Variants in NRCAM observed in about 807,000 individuals in gnomAD.
NRCAM encodes NgCAM-related cell adhesion molecule.
In NRCAM, 83 loss-of-function variants were observed where a neutral mutation model predicts 156.5. The ratio of observed to expected loss-of-function variants is 0.53; its 90% CI spans 0.44 to 0.64. The LOEUF (loss-of-function observed/expected upper bound fraction) is 0.64, where lower values mean the gene tolerates loss of function less well. NRCAM is among the 30% of genes least tolerant of loss of function. The pLI is 0.00. For synonymous variants in NRCAM, 538 were observed against 563.9 expected (o/e 0.95, Z 0.65); for missense variants, 1,417 against 1,597.3 (o/e 0.89, Z 1.92).
At chr7:108,159,201 A>C in intron 32 of NRCAM, 1 of 640,374 alleles carries the variant, frequency 1.6e-6, no homozygotes, top group Non-Finnish European at 2.9e-6. Context: ...TGATCAATAC[A>C]GCATGGTCCC....
At chr7:108,390,257 C>G (rs2099755354) in intron 2 of NRCAM, among the ~76,000 whole-genome samples, 1 of 152,098 alleles carries the variant, frequency 6.6e-6, no homozygotes, top group African/African-American at 2.4e-5. Context: ...TTCAGGGATT[C>G]AACTTCTTCC....
chr7:108,332,316 C>A (rs2099135066), intron 2 of NRCAM, among the ~76,000 whole-genome samples: 1 of 152,172 alleles, frequency 6.6e-6, no homozygotes, highest in South Asian at 2.1e-4. Flanking sequence ...AAAAAATGTT[C>A]TTGATGCAAA....
chr7:108,394,850 C>G (rs755277635), intron 2 of NRCAM, among the ~76,000 whole-genome samples: 1 of 152,018 alleles, frequency 6.6e-6, no homozygotes. Context: ...GATATAATTG[C>G]CTCAGGATGG....
chr7:108,283,605 G>C (rs558741995), intron 3 of NRCAM, among the ~76,000 whole-genome samples: 1 of 152,138 alleles, frequency 6.6e-6, no homozygotes, highest in African/African-American at 2.4e-5. Flanking sequence ...CTTCCAGGAG[G>C]GTCCTGAATG....
At chr7:108,416,380 A>C (rs1801594787) in intron 1 of NRCAM, among the ~76,000 whole-genome samples, 1 of 152,184 alleles carries the variant, frequency 6.6e-6, no homozygotes, top group Non-Finnish European at 1.5e-5. Flanking sequence ...GAACTGCCTC[A>C]CGGGGGAAAA....
intron 1 of NRCAM, among the ~76,000 whole-genome samples, chr7:108,416,570 G>C (rs965906995): frequency 2.0e-5 from 2 of 102,304 alleles, no homozygotes; most frequent in South Asian, 4.4e-4. Context: ...ACTACTTCGG[G>C]AAAGAGACAA....
rs2062697044 is a variant in NRCAM, at chr7:108,180,148, A to G, written c.2851+75T>C. 2.9e-5 allele frequency: 37 copies of G among 1,268,230 alleles called. No individual in the cohort carries two copies. In the South Asian group the frequency reaches 4.6e-4, roughly 16 times the overall value. 78.6% of individuals were successfully genotyped at this position (1,268,230 alleles called of 1,614,324 possible). The stretch of plus-strand genomic sequence containing the variant: ...GCTTCCAGAATATACTTTGATCAGT[A>G]GCCCTTCTGTCAGGCAAAACCTCTC... On this transcript the variant is annotated intron_variant, in intron 25 of 32. Transcript: ENST00000379028.
chr7:108,336,624 G>T (rs1027375357), intron 2 of NRCAM, among the ~76,000 whole-genome samples: 9 of 152,156 alleles, frequency 5.9e-5, no homozygotes, highest in Non-Finnish European at 1.3e-4. Context: ...TGTTCTAAAA[G>T]ATTTTATCTG....
chr7:108,151,410 C>T (rs1294335793), intron 32 of NRCAM, among the ~76,000 whole-genome samples: 4 of 151,714 alleles, frequency 2.6e-5, no homozygotes. Flanking sequence ...CCCTCTGTTT[C>T]AGACAGTGAC....
intron 32 of NRCAM, among the ~76,000 whole-genome samples, chr7:108,152,365 A>G (rs1268606078): frequency 6.6e-6 from 1 of 151,814 alleles, no homozygotes; most frequent in Non-Finnish European, 1.5e-5. Context: ...TCTCGGGGTG[A>G]GGGGAAGCCT....
At chr7:108,450,952 C>T (rs1435439992) in intron 1 of NRCAM, among the ~76,000 whole-genome samples, 1 of 152,180 alleles carries the variant, frequency 6.6e-6, no homozygotes. Context: ...GGCGTGGTGA[C>T]TCACGCTTGT....
intron 32 of NRCAM, among the ~76,000 whole-genome samples, chr7:108,158,729 T>G (rs2046999471): frequency 6.6e-6 from 1 of 152,168 alleles, no homozygotes; most frequent in East Asian, 1.9e-4. Flanking sequence ...AATAACAGAA[T>G]GCCCACATTT....
chr7:108,198,117 T>C lies in NRCAM; in HGVS notation c.1208-18A>G, dbSNP rs766900318. The C allele has an allele frequency of 1.9e-6, 3 of 1,581,732 alleles. No individual in the cohort carries two copies. The highest frequency in any genetic ancestry group is 2.6e-6 in the Non-Finnish European group (3 of 1,168,636). ...AGGGGCAACTGTTTGGATGTAAAAA[T>C]AGAAAGTATTTATTCCTATTTGCTT... On this transcript the variant is annotated intron_variant, in intron 13 of 32. Coordinates refer to ENST00000379028, the MANE Select transcript of NRCAM (RefSeq NM_001037132.4).
At chr7:108,403,238 T>C (rs548280785) in intron 1 of NRCAM, among the ~76,000 whole-genome samples, 91 of 152,344 alleles carry the variant, frequency 6.0e-4, no homozygotes, top group African/African-American at 2.2e-3. Context: ...TTTCACAACA[T>C]CAATATTTCA....
intron 3 of NRCAM, among the ~76,000 whole-genome samples, chr7:108,308,965 C>T (rs192553427): frequency 1.1e-4 from 17 of 152,338 alleles, no homozygotes; most frequent in African/African-American, 1.7e-4. Context: ...AAATGTTGCA[C>T]ATTGAATTTA....
intron 3 of NRCAM, 147 bp from the exon 4 acceptor site, chr7:108,240,317 T>C: frequency 3.0e-6 from 1 of 334,774 alleles, no homozygotes; most frequent in Non-Finnish European, 5.6e-6. Flanking sequence ...CTCTCAAAAC[T>C]GGAGTAATCA....
rs374937656 is a variant in NRCAM at position 108,192,324 on chromosome 7, G to T, written c.1779-471C>A. ...TGTGCAAGTGAGAGATCTAGATCTAGACTGTGCTCTCCTATGACAATCTAA... is the reference window on the plus strand; with the variant it reads ...TGTGCAAGTGAGAGATCTAGATCTATACTGTGCTCTCCTATGACAATCTAA... On this transcript the variant is annotated intron_variant, in intron 17 of 32. Transcript: ENST00000379028. 2.2e-3 allele frequency among the ~76,000 whole-genome samples: 339 copies of T among 152,300 alleles called. 2 individuals are homozygous for T. Among genetic ancestry groups the T allele is most frequent in the African/African-American group, 7.9e-3 (329 of 41,570 alleles).
rs115753008 is a variant in NRCAM at position 108,233,849 on chromosome 7, A to G, written c.230+734T>C. On this transcript the variant is annotated intron_variant, in intron 6 of 32. Transcript: ENST00000379028. ...CTCCAAAACTTCCATATATGACTGG[A>G]CATGTTACAGATCATCCGCTGTGGG... is the stretch of plus-strand genomic sequence containing the variant. 4.7e-3 allele frequency among the ~76,000 whole-genome samples: 717 copies of G among 152,336 alleles called. 8 individuals carry two copies. The highest frequency in any genetic ancestry group is 0.017 in the African/African-American group (691 of 41,578).
intron 5 of NRCAM, among the ~76,000 whole-genome samples, chr7:108,234,998 A>T (rs779312699): frequency 1.1e-4 from 16 of 152,168 alleles, no homozygotes; most frequent in Non-Finnish European, 1.9e-4. Flanking sequence ...CTGATGTAAC[A>T]ATGAGAAATT....
Sources: gnomAD v4.1 joint callset for allele counts (sites outside exome capture counted in the v4.1 genomes callset) on GRCh38, gnomAD v4.1.1 for gene constraint, MANE v1.5 for transcripts, NCBI Gene and HGNC (gene_info 2026-07-23, HGNC 2026-07-21) for gene names.